SGK2: variants seen among roughly 807,000 people sequenced by gnomAD.
SGK2 encodes the protein serum/glucocorticoid regulated kinase 2.
Under a neutral mutation model 47.5 loss-of-function variants are expected in SGK2, and 36 were observed. That is an observed-to-expected ratio of 0.76 (90% confidence interval 0.58 to 1.00). The LOEUF is 1.00. SGK2 is among the 50% of genes least tolerant of loss of function. SGK2 has a pLI of 0.00. For missense variants in SGK2, 404 were observed against 467.4 expected (o/e 0.86, Z 1.25); for synonymous variants, 157 against 181.9 (o/e 0.86, Z 1.10).
intron 12 of SGK2, chr20:43,583,675 C>T (rs1278849564): frequency 5.4e-6 from 5 of 927,180 alleles, no homozygotes; most frequent in African/African-American, 1.8e-5. Flanking sequence ...TGGCTTAAAA[C>T]AACAATCTTT....
At chr20:43,574,670 C>T (rs1980358269) in intron 9 of SGK2, among the ~76,000 whole-genome samples, 1 of 152,208 alleles carries the variant, frequency 6.6e-6, no homozygotes, top group Admixed American at 6.5e-5. Context: ...GTGTGGTACA[C>T]ACCATGTAAA....
intron 1 of SGK2, among the ~76,000 whole-genome samples, chr20:43,559,632 C>A (rs1263579078): frequency 6.6e-6 from 1 of 152,140 alleles, no homozygotes; most frequent in Non-Finnish European, 1.5e-5. Context: ...GGCACTTGAA[C>A]TGGGCAGGCG....
chr20:43,575,943 T>G (rs894583014), intron 10 of SGK2, among the ~76,000 whole-genome samples: 5 of 152,118 alleles, frequency 3.3e-5, no homozygotes, highest in African/African-American at 1.2e-4. Flanking sequence ...GTGAAATGAT[T>G]AAGGTGAAAG....
At chr20:43,568,920 G>A (rs1247257078) in intron 5 of SGK2, among the ~76,000 whole-genome samples, 2 of 152,190 alleles carry the variant, frequency 1.3e-5, no homozygotes, top group African/African-American at 4.8e-5. Flanking sequence ...GTCTCCGTGG[G>A]GGGTGGAATG....
chr20:43,581,096 C>T (rs928129354), intron 12 of SGK2, among the ~76,000 whole-genome samples: 1 of 152,030 alleles, frequency 6.6e-6, no homozygotes, highest in South Asian at 2.1e-4. Flanking sequence ...AGGATGGTCT[C>T]GATCTCCTGA....
intron 8 of SGK2, 107 bp downstream of exon 8, chr20:43,571,167 A>C: frequency 3.2e-6 from 5 of 1,539,994 alleles, no homozygotes; most frequent in Non-Finnish European, 4.4e-6. Flanking sequence ...TGCATTGTAC[A>C]TGTATGCATA....
intron 9 of SGK2, among the ~76,000 whole-genome samples, chr20:43,574,463 T>C (rs1980346562): frequency 6.6e-6 from 1 of 152,238 alleles, no homozygotes; most frequent in Admixed American, 6.5e-5. Context: ...GGCCTTCCGT[T>C]CCCAGGACAC....
intron 1 of SGK2, among the ~76,000 whole-genome samples, chr20:43,561,681 C>T (rs541077657): frequency 4.6e-5 from 7 of 151,558 alleles, no homozygotes; most frequent in Non-Finnish European, 1.0e-4. Flanking sequence ...GCCACCGCGC[C>T]CAGCTGAGGC....
chr20:43,578,170 T>C (rs1980580433), intron 11 of SGK2, among the ~76,000 whole-genome samples: 1 of 152,224 alleles, frequency 6.6e-6, no homozygotes, highest in Non-Finnish European at 1.5e-5. Context: ...GTTTGCTTTC[T>C]TTTCTAACAT....
At chr20:43,573,489 CA>C (rs5841511) in intron 9 of SGK2, among the ~76,000 whole-genome samples, 9,775 of 111,162 alleles carry the variant, frequency 0.088, 402 homozygotes, top group African/African-American at 0.2. Context: ...GACTCTGTCT[CA>C]AAAAAAAAAA....
In SGK2 at chr20:43,572,002, T is replaced by C. The variant is rs1568668055; in HGVS notation, c.511-49T>C. ...GGGCTTTGGGGGTTAGGCCTGGCCATACCCTTGGCTCATACCACCCTCCAG... is the reference window on the plus strand; with the variant it reads ...GGGCTTTGGGGGTTAGGCCTGGCCACACCCTTGGCTCATACCACCCTCCAG... On this transcript the variant is annotated intron_variant, in intron 8 of 12. Transcript: ENST00000373100. The surrounding 1 kb of genome is among the most constrained non-coding windows in gnomAD (Gnocchi z 4.2). The C allele has an allele frequency of 7.2e-7, 1 of 1,383,394 alleles. No homozygotes were observed. The highest frequency in any genetic ancestry group is 1.0e-6 in the Non-Finnish European group (1 of 996,982). 85.7% of individuals were successfully genotyped at this position (1,383,394 alleles called of 1,614,324 possible).
chr20:43,585,045 C>G lies in SGK2; in HGVS notation c.*29C>G, dbSNP rs1017975675. The G allele has an allele frequency of 1.3e-6, 2 of 1,597,136 alleles. No homozygotes were observed. The highest frequency in any genetic ancestry group is 2.7e-5 in the African/African-American group (2 of 74,442). On this transcript the variant is annotated 3_prime_UTR_variant, in exon 13 of 13. Transcript: ENST00000373100. ...AGAAGGACCTGTGAAACTACTGAGG[C>G]CAGCTGGTATTAGTAAGGAATTACC...
chr20:43,561,185 C>T (rs1267277323), intron 1 of SGK2, among the ~76,000 whole-genome samples: 3 of 152,078 alleles, frequency 2.0e-5, no homozygotes, highest in African/African-American at 7.2e-5. Context: ...CATGCAGGTG[C>T]CTGGGGGAAG....
At chr20:43,579,217 T>G (rs1049020725) in intron 11 of SGK2, among the ~76,000 whole-genome samples, 10 of 152,024 alleles carry the variant, frequency 6.6e-5, no homozygotes, top group Admixed American at 2.0e-4. Context: ...AGGTCAACCA[T>G]GTTGACCAGG....
At chr20:43,582,464 G>A (rs986571057) in intron 12 of SGK2, among the ~76,000 whole-genome samples, 1 of 132,552 alleles carries the variant, frequency 7.5e-6, no homozygotes, top group South Asian at 2.5e-4. Context: ...CTCAGCTCAT[G>A]GCAACCTCTG....
At chr20:43,566,315 C>T in intron 1 of SGK2, 158 bp from the exon 2 acceptor site, 1 of 1,605,490 alleles carries the variant, frequency 6.2e-7, no homozygotes, top group Non-Finnish European at 8.5e-7. Flanking sequence ...TTGTTCCATC[C>T]ATGCAGGGGT....
Position 43,584,901 on chromosome 20 carries a change from C to G in SGK2, c.989C>G (p.Ala330Gly), listed in dbSNP as rs200184491. Residue 330 changes from alanine to glycine, a missense_variant, in exon 13 of 13, where the codon GCT becomes GGT. Transcript: ENST00000373100. ...TTTGACCCAGAGTTCACCCAGGAAG[C>G]TGTGTCCAAGTCCATTGGCTGTACC... ...KHFDPEFTQE[A>G]VSKSIGCTPD... The G allele has an allele frequency of 1.9e-6, 3 of 1,614,156 alleles. No individual in the cohort carries two copies. The South Asian group carries it at 3.3e-5, about 18-fold the overall frequency.
At position 43,585,022 on chromosome 20, in the gene SGK2, A is replaced by G. The variant is rs1007360951; in HGVS notation, c.*6A>G. The G allele has an allele frequency of 5.6e-6, 9 of 1,611,274 alleles. No individual in the cohort carries two copies. Among genetic ancestry groups the G allele is most frequent in the Admixed American group, 3.3e-5 (2 of 59,772 alleles). On this transcript the variant is annotated 3_prime_UTR_variant, in exon 13 of 13. Transcript: ENST00000373100. The stretch of plus-strand genomic sequence containing the variant: ...ATGACATCTTGGATTGCTAGAAGAG[A>G]AGGACCTGTGAAACTACTGAGGCCA...
chr20:43,583,303 G>C (rs887658383), intron 12 of SGK2: 1 of 1,289,312 alleles, frequency 7.8e-7, no homozygotes, highest in Non-Finnish European at 1.0e-6. Flanking sequence ...AGGCAGAGAT[G>C]AATGGACTTT....
Sources: allele counts gnomAD v4.1 joint callset (sites outside exome capture counted in the v4.1 genomes callset), GRCh38; gene constraint gnomAD v4.1.1; non-coding constraint Gnocchi (gnomAD v3.1); transcripts MANE v1.5; gene names NCBI Gene and HGNC (gene_info 2026-07-23, HGNC 2026-07-21).